SRBD1: variants seen among roughly 807,000 people sequenced by gnomAD.
SRBD1 encodes S1 RNA binding domain 1.
Under a neutral mutation model 115.3 loss-of-function variants are expected in SRBD1, and 88 were observed. That is an observed-to-expected ratio of 0.76 (90% CI 0.64 to 0.91). The LOEUF is 0.91. Among genes scored for constraint, SRBD1 ranks in the 40% least tolerant of loss-of-function variants. The pLI is 0.00. For synonymous variants in SRBD1, 509 were observed against 407.7 expected (o/e 1.25, Z -2.99); for missense variants, 1,385 against 1,177.4 (o/e 1.18, Z -2.58).
At chr2:45,487,283 G>GA (rs1235827129) in intron 15 of SRBD1, among the ~76,000 whole-genome samples, 1 of 152,122 alleles carries the variant, frequency 6.6e-6, no homozygotes, top group Non-Finnish European at 1.5e-5. Context: ...TTATTATACA[G>GA]AAAAATGCAC....
At chr2:45,449,358 G>A (rs1668923084) in intron 16 of SRBD1, among the ~76,000 whole-genome samples, 1 of 152,112 alleles carries the variant, frequency 6.6e-6, no homozygotes, top group Non-Finnish European at 1.5e-5. Context: ...TACCGACTGT[G>A]AGTCCACGGA....
At chr2:45,546,374 A>C in intron 14 of SRBD1, 1 of 983,318 alleles carries the variant, frequency 1.0e-6, no homozygotes, top group South Asian at 4.7e-5. Flanking sequence ...TGGGAGAAAA[A>C]GGCTAAGTTA....
chr2:45,515,319 G>GT (rs1333883336), intron 14 of SRBD1, among the ~76,000 whole-genome samples: 4 of 152,154 alleles, frequency 2.6e-5, no homozygotes, highest in Non-Finnish European at 5.9e-5. Context: ...AGGTAGAGAG[G>GT]TTGGGTAATT....
chr2:45,423,682 T>C (rs1379972594), intron 16 of SRBD1, among the ~76,000 whole-genome samples: 2 of 152,078 alleles, frequency 1.3e-5, no homozygotes, highest in Non-Finnish European at 2.9e-5. Context: ...CAATACTTCT[T>C]ACCTATTCTA....
At chr2:45,424,963 GA>G (rs1668109319) in intron 16 of SRBD1, among the ~76,000 whole-genome samples, 1 of 152,176 alleles carries the variant, frequency 6.6e-6, no homozygotes. Context: ...CTAGCTTGAA[GA>G]AAAGCTAACT....
chr2:45,409,683 C>T (rs1274240842), intron 19 of SRBD1, among the ~76,000 whole-genome samples: 1 of 152,024 alleles, frequency 6.6e-6, no homozygotes, highest in East Asian at 1.9e-4. Flanking sequence ...AAGTCTGCAG[C>T]ATATAAGGTT....
At chr2:45,415,869 T>G (rs897490840) in intron 18 of SRBD1, among the ~76,000 whole-genome samples, 2 of 147,278 alleles carry the variant, frequency 1.4e-5, no homozygotes, top group African/African-American at 2.5e-5. Flanking sequence ...GCAGAGAGAG[T>G]TGAAGAGAGA....
Position 45,409,398 on chromosome 2 carries a change from A to AT in SRBD1, c.2513+3715dup, listed in dbSNP as rs530351567. Among the ~76,000 whole-genome samples, 305 of 151,802 alleles carry AT rather than the reference A, an allele frequency of 2.0e-3. 2 individuals are homozygous for AT. Among genetic ancestry groups the AT allele is most frequent in the African/African-American group, 7.0e-3 (290 of 41,348 alleles). ...AAAATACAATTATTATGGAACCACA[A>AT]TTTTTTTTATATTAAAAAAATCTGA... On this transcript the variant is annotated intron_variant, in intron 19 of 20. Coordinates refer to ENST00000263736, the MANE Select transcript of SRBD1 (RefSeq NM_018079.5).
chr2:45,393,252 G>T, intron 19 of SRBD1, 123 bp from the exon 20 acceptor site: 1 of 998,130 alleles, frequency 1.0e-6, no homozygotes, highest in South Asian at 2.3e-5. Flanking sequence ...AGTCTTTATT[G>T]AGAATCTATT....
chr2:45,605,379 A>C lies in SRBD1; in HGVS notation c.63T>G (p.Phe21Leu). Residue 21 changes from phenylalanine (F) to leucine (L), a missense_variant, in exon 2 of 21, where the codon TTT (phenylalanine) becomes TTG (leucine). Physicochemically the swap from Phe to Leu is conservative, Grantham distance 22 (BLOSUM62 0). Transcript: ENST00000263736. The stretch of plus-strand genomic sequence containing the variant: ...ATGCTTACAACTCAGAGAATGAAGA[A>C]AATTCATCTTTCAGTACCACATCCT... ...QVQDVVLKDEFSSFSELSSAS... is the reference protein window; with the variant it reads ...QVQDVVLKDELSSFSELSSAS... The C allele has an allele frequency of 6.2e-7, 1 of 1,613,614 alleles. No homozygotes were observed. The highest frequency in any genetic ancestry group is 8.5e-7 in the Non-Finnish European group (1 of 1,179,960).
chr2:45,586,295 C>A (rs1673519004), intron 4 of SRBD1, among the ~76,000 whole-genome samples: 1 of 152,010 alleles, frequency 6.6e-6, no homozygotes, highest in Non-Finnish European at 1.5e-5. Flanking sequence ...CTGTCCCTAG[C>A]AGAGTAAAGG....
rs1330980419 is a variant in SRBD1 at position 45,601,896 on chromosome 2, C to A, written c.261+7G>T. The A allele has an allele frequency of 1.9e-6, 3 of 1,613,902 alleles. No homozygotes were observed. In the African/African-American group the frequency reaches 4.0e-5, roughly 22 times the overall value. ...CAGAGTTCCCTCTATCCAGCTGTAG[C>A]ACCTACCAGCTCCTCCTTAACAACA... On this transcript the variant is annotated splice_region_variant and intron_variant, in intron 3 of 20. Transcript: ENST00000263736.
intron 14 of SRBD1, among the ~76,000 whole-genome samples, chr2:45,522,332 C>T (rs778746308): frequency 2.6e-5 from 4 of 152,082 alleles, no homozygotes; most frequent in Non-Finnish European, 5.9e-5. Context: ...GTATGCACCA[C>T]CACACCAGGC....
chr2:45,522,782 T>G (rs1456526622), intron 14 of SRBD1, among the ~76,000 whole-genome samples: 1 of 152,228 alleles, frequency 6.6e-6, no homozygotes. Context: ...TTTCTTAACA[T>G]TTTCTTTTCT....
chr2:45,393,488 C>T (rs975248829), intron 19 of SRBD1, among the ~76,000 whole-genome samples: 1 of 152,214 alleles, frequency 6.6e-6, no homozygotes. Flanking sequence ...TCACGCCATT[C>T]TCCTGCCTCA....
chr2:45,564,552 G>T (rs1376666553), intron 9 of SRBD1, among the ~76,000 whole-genome samples: 1 of 152,160 alleles, frequency 6.6e-6, no homozygotes, highest in Non-Finnish European at 1.5e-5. Context: ...GTTCAGCAAA[G>T]TTGCAGAACA....
intron 9 of SRBD1, among the ~76,000 whole-genome samples, chr2:45,571,772 C>T (rs1400766413): frequency 1.3e-5 from 2 of 151,758 alleles, no homozygotes; most frequent in South Asian, 2.1e-4. Context: ...AGGGGTTCAA[C>T]AGCAAATTTG....
At chr2:45,560,309 TA>T (rs1421859864) in intron 10 of SRBD1, among the ~76,000 whole-genome samples, 19 of 152,238 alleles carry the variant, frequency 1.2e-4, no homozygotes, top group African/African-American at 3.9e-4. Context: ...GTTAAAAGCA[TA>T]TTTTTTCTTT....
intron 14 of SRBD1, among the ~76,000 whole-genome samples, chr2:45,503,640 C>T (rs534159560): frequency 2.4e-4 from 36 of 152,234 alleles, no homozygotes; most frequent in East Asian, 1.5e-3. Context: ...GAACCAAAGA[C>T]GGCAGCTAAA....
Sources: gnomAD v4.1 joint callset for allele counts (sites outside exome capture counted in the v4.1 genomes callset) on GRCh38, gnomAD v4.1.1 for gene constraint, MANE v1.5 for transcripts, NCBI Gene and HGNC (gene_info 2026-07-23, HGNC 2026-07-21) for gene names.